Variants in GRIN2B observed in about 807,000 individuals in gnomAD.
GRIN2B encodes glutamate receptor ionotropic, NMDA 2B.
GRIN2B carries 5 observed loss-of-function variants against 114.5 expected under a neutral mutation model. The ratio of observed to expected loss-of-function variants is 0.04; its 90% CI spans 0.02 to 0.09. The LOEUF (loss-of-function observed/expected upper bound fraction) is 0.09, where lower values mean the gene tolerates loss of function less well. Among genes scored for constraint, GRIN2B ranks in the 10% least tolerant of loss-of-function variants. GRIN2B has a pLI of 1.00. For missense variants in GRIN2B, 1,108 were observed against 1,943.5 expected, an observed-to-expected ratio of 0.57 and a Z score of 8.08; for synonymous variants, 787 against 745.1, an observed-to-expected ratio of 1.06 and a Z score of -0.92.
At position 13,886,168 on chromosome 12, in the gene GRIN2B, C is replaced by A. The variant is rs1591602821; in HGVS notation, c.-18-19942G>T. Among the ~76,000 whole-genome samples, 4 of 152,182 alleles carry A rather than the reference C, an allele frequency of 2.6e-5. No homozygotes were observed. The South Asian group carries it at 8.3e-4, about 32-fold the overall frequency. On this transcript the variant is annotated intron_variant, in intron 2 of 13. Transcript: ENST00000609686. ...GGGAATGAAATAGACCAGATCAGTT[C>A]ACACCGTGTTGTAAAGGCAAAGATT... is the stretch of plus-strand genomic sequence containing the variant.
intron 3 of GRIN2B, among the ~76,000 whole-genome samples, chr12:13,841,932 C>T (rs1464840978): frequency 6.6e-6 from 1 of 151,996 alleles, no homozygotes; most frequent in Non-Finnish European, 1.5e-5. Flanking sequence ...AATAACAATT[C>T]ATCGTGCTAC....
At chr12:13,896,118 A>G (rs1339351283) in intron 2 of GRIN2B, among the ~76,000 whole-genome samples, 1 of 152,170 alleles carries the variant, frequency 6.6e-6, no homozygotes, top group Non-Finnish European at 1.5e-5. Flanking sequence ...CAAACAGAGG[A>G]TCGCAGTGTG....
chr12:13,655,831 A>G (rs898231602), intron 5 of GRIN2B, among the ~76,000 whole-genome samples: 7 of 152,328 alleles, frequency 4.6e-5, no homozygotes, highest in South Asian at 2.1e-4. Context: ...ACACTTTGTT[A>G]TCTGTCAATC....
intron 3 of GRIN2B, among the ~76,000 whole-genome samples, chr12:13,783,927 A>C (rs1007117686): frequency 1.3e-5 from 2 of 151,998 alleles, no homozygotes; most frequent in Admixed American, 6.6e-5. Context: ...TATACCTAAT[A>C]AAAAAACATA....
intron 3 of GRIN2B, among the ~76,000 whole-genome samples, chr12:13,847,868 C>A (rs773472336): frequency 6.6e-6 from 1 of 152,146 alleles, no homozygotes; most frequent in East Asian, 1.9e-4. Context: ...ATGGTTAAAA[C>A]GGTCCATAAA....
At chr12:13,911,022 C>CT (rs1247670527) in intron 2 of GRIN2B, among the ~76,000 whole-genome samples, 4 of 151,958 alleles carry the variant, frequency 2.6e-5, no homozygotes, top group African/African-American at 4.8e-5. Context: ...TTTTCCAACC[C>CT]TTTCTGCATC....
intron 5 of GRIN2B, among the ~76,000 whole-genome samples, chr12:13,653,347 G>A (rs561868422): frequency 6.6e-6 from 1 of 152,200 alleles, no homozygotes; most frequent in East Asian, 1.9e-4. Context: ...AAAGAAGGGG[G>A]TTGGTCATCT....
rs368777225 is a variant in GRIN2B, at chr12:13,732,409, A to G, written c.1010+20908T>C. On this transcript the variant is annotated intron_variant, in intron 4 of 13. Transcript: ENST00000609686. Reference sequence around the variant, plus strand: ...CAGTGTCAAGTCCAAATCTTTGTTCATGCTATTATTCCCATTTGAAGAAAC... The same window carrying G: ...CAGTGTCAAGTCCAAATCTTTGTTCGTGCTATTATTCCCATTTGAAGAAAC... Among the ~76,000 whole-genome samples, 42 of 152,244 alleles carry G rather than the reference A, an allele frequency of 2.8e-4. No homozygotes were observed. In the East Asian group the frequency reaches 7.1e-3, roughly 26 times the overall value.
At chr12:13,759,968 T>C (rs1863648311) in intron 3 of GRIN2B, among the ~76,000 whole-genome samples, 1 of 152,088 alleles carries the variant, frequency 6.6e-6, no homozygotes, top group Non-Finnish European at 1.5e-5. Context: ...CTGAAACACT[T>C]TTTCTCCAGC....
At position 13,549,463 on chromosome 12, in the gene GRIN2B, T is replaced by C. The variant is rs1948384361; in HGVS notation, c.*13320A>G. ...TGCCTTAATCCTAGAATCAGGCTTGTATGTTTGAACTTAATTAGACAGAGG... is the reference window on the plus strand; with the variant it reads ...TGCCTTAATCCTAGAATCAGGCTTGCATGTTTGAACTTAATTAGACAGAGG... On this transcript the variant is annotated 3_prime_UTR_variant, in exon 14 of 14. Coordinates refer to ENST00000609686, the MANE Select transcript of GRIN2B (RefSeq NM_000834.5). 1 of 152,168 alleles carries C rather than the reference T, an allele frequency of 6.6e-6. No individual in the cohort carries two copies. The highest frequency in any genetic ancestry group is 1.5e-5 in the Non-Finnish European group (1 of 68,034). The allele number at this position is 152,168 out of a possible 1,614,324, so 9.4% of individuals were successfully genotyped here.
Position 13,952,007 on chromosome 12 carries a change from A to G in GRIN2B, c.-19+27921T>C, listed in dbSNP as rs185391530. Among the ~76,000 whole-genome samples the G allele has an allele frequency of 3.2e-3, 494 of 152,322 alleles. 2 individuals carry two copies. The highest frequency in any genetic ancestry group is 0.02 in the Middle Eastern group (6 of 294). On this transcript the variant is annotated intron_variant, in intron 2 of 13. Transcript: ENST00000609686. ...ACCTAAGCACAATTGATATATCAAA[A>G]GTGGATCTGTGTATATATAGCAGTA...
Position 13,615,808 on chromosome 12 carries a change from T to C in GRIN2B, c.1329-144A>G. ...CAGCACAATTTATACTAGACTCGAG[T>C]GAAGAAATAAAGCAGGCAACAGACC... On this transcript the variant is annotated intron_variant, in intron 6 of 13. Coordinates refer to ENST00000609686, the MANE Select transcript of GRIN2B (RefSeq NM_000834.5). This position sits in a 1 kb window ranked among gnomAD's most constrained non-coding sequence, Gnocchi z 5.8. 2.8e-6 allele frequency: 2 copies of C among 718,960 alleles called. No homozygotes were observed. The highest frequency in any genetic ancestry group is 5.0e-6 in the Non-Finnish European group (2 of 398,588). 44.5% of individuals were successfully genotyped at this position (718,960 alleles called of 1,614,324 possible). A position where few individuals can be genotyped will look rare whatever the true frequency, so the allele number is the denominator to read the frequency against.
chr12:13,648,583 T>C (rs1229484831), intron 5 of GRIN2B, among the ~76,000 whole-genome samples: 1 of 151,904 alleles, frequency 6.6e-6, no homozygotes, highest in Admixed American at 6.6e-5. Context: ...GAGAAAGCAG[T>C]TTCTCCTTTG....
At chr12:13,672,560 C>T (rs565094451) in intron 5 of GRIN2B, among the ~76,000 whole-genome samples, 260 of 152,278 alleles carry the variant, frequency 1.7e-3, no homozygotes, top group South Asian at 0.014. Flanking sequence ...CAGCCATTCC[C>T]TGGAGCCACA....
chr12:13,865,735 CAA>C, intron 3 of GRIN2B, 61 bp downstream of exon 3: 1 of 1,359,266 alleles, frequency 7.4e-7, no homozygotes, highest in Non-Finnish European at 1.1e-6. Flanking sequence ...TACAGGAAAA[CAA>C]ATGCATGGTT....
intron 4 of GRIN2B, among the ~76,000 whole-genome samples, chr12:13,736,269 A>C (rs1460715997): frequency 6.6e-6 from 1 of 152,002 alleles, no homozygotes; most frequent in Non-Finnish European, 1.5e-5. Flanking sequence ...CAGTGCAGTC[A>C]GGCACTCTGG....
intron 10 of GRIN2B, among the ~76,000 whole-genome samples, chr12:13,594,404 C>T (rs183786035): frequency 5.3e-5 from 8 of 152,036 alleles, no homozygotes; most frequent in Admixed American, 2.0e-4. Flanking sequence ...AACCATCATT[C>T]GCAGCAAACT....
At chr12:13,769,683 G>A (rs1863869629) in intron 3 of GRIN2B, among the ~76,000 whole-genome samples, 1 of 152,238 alleles carries the variant, frequency 6.6e-6, no homozygotes, top group Non-Finnish European at 1.5e-5. Context: ...AGTAATAGAT[G>A]CTAACAAAAC....
intron 2 of GRIN2B, among the ~76,000 whole-genome samples, chr12:13,869,993 G>C (rs1450928625): frequency 6.6e-6 from 1 of 152,176 alleles, no homozygotes; most frequent in East Asian, 1.9e-4. Context: ...AGGATATTAC[G>C]TTTAAGCTTC....
Sources: allele counts gnomAD v4.1 joint callset (sites outside exome capture counted in the v4.1 genomes callset), GRCh38; gene constraint gnomAD v4.1.1; non-coding constraint Gnocchi (gnomAD v3.1); transcripts MANE v1.5; gene names NCBI Gene and HGNC (gene_info 2026-07-23, HGNC 2026-07-21).